Variants in MGA observed in about 807,000 individuals in gnomAD.
MGA encodes the protein MAX dimerization protein MGA, also known as MAX gene-associated protein.
A neutral mutation model predicts 261.1 loss-of-function variants in MGA; 40 were observed. The observed-to-expected ratio is 0.15, with a 90% confidence interval of 0.12 to 0.20. MGA has a LOEUF of 0.20. Among genes scored for constraint, MGA ranks in the 10% least tolerant of loss-of-function variants. MGA has a pLI of 1.00. For missense variants in MGA, 3,397 were observed against 3,630.5 expected, an observed-to-expected ratio of 0.94 and a Z score of 1.65; for synonymous variants, 1,302 against 1,290.6, an observed-to-expected ratio of 1.01 and a Z score of -0.19.
intron 17 of MGA, chr15:41,752,422 T>A (rs951681030): frequency 6.6e-5 from 10 of 152,166 alleles, no homozygotes; most frequent in African/African-American, 2.4e-4. Context: ...ATTGCTGATT[T>A]TTTTGTGTTT....
At chr15:41,717,149 C>T (rs941946030) in intron 9 of MGA, among the ~76,000 whole-genome samples, 2 of 104,670 alleles carry the variant, frequency 1.9e-5, no homozygotes, top group African/African-American at 7.6e-5. Flanking sequence ...CTTTTTCTGC[C>T]TTGTACAATT....
chr15:41,698,483 C>T (rs572809924), intron 3 of MGA, among the ~76,000 whole-genome samples: 14 of 152,280 alleles, frequency 9.2e-5, no homozygotes, highest in African/African-American at 3.4e-4. Context: ...TAATTGACTA[C>T]ACAGATGTTG....
chr15:41,653,729 GA>G (rs971965208), intron 1 of MGA, among the ~76,000 whole-genome samples: 100 of 137,900 alleles, frequency 7.3e-4, no homozygotes, highest in South Asian at 1.7e-3. Context: ...AAAAAAAAAA[GA>G]AAAAAAAAAC....
chr15:41,769,045 T>G lies in MGA; in HGVS notation c.*1765T>G, dbSNP rs2063931122. 1 of 152,660 alleles carries G rather than the reference T, an allele frequency of 6.6e-6. No homozygotes were observed. The highest frequency in any genetic ancestry group is 1.5e-5 in the Non-Finnish European group (1 of 68,054). The allele number at this position is 152,660 out of a possible 1,614,324, so 9.5% of individuals were successfully genotyped here. A position where few individuals can be genotyped will look rare whatever the true frequency, so the allele number is the denominator to read the frequency against. On this transcript the variant is annotated 3_prime_UTR_variant, in exon 24 of 24. Coordinates refer to ENST00000219905, the MANE Select transcript of MGA (RefSeq NM_001164273.2). The stretch of plus-strand genomic sequence containing the variant: ...TCCTCAGCTTCTTATCCTTCCACTC[T>G]TTACCCAGCAGATTTCATTCAATGC...
At chr15:41,652,098 T>C (rs970844937) in intron 1 of MGA, among the ~76,000 whole-genome samples, 2 of 145,636 alleles carry the variant, frequency 1.4e-5, no homozygotes, top group Non-Finnish European at 3.0e-5. Flanking sequence ...CCTGAGTAGC[T>C]GGGACTACAG....
intron 12 of MGA, 63 bp from the exon 13 acceptor site, chr15:41,736,118 C>G: frequency 2.3e-6 from 3 of 1,327,774 alleles, no homozygotes; most frequent in Non-Finnish European, 3.0e-6. Context: ...GAGTTTCATA[C>G]AAAATGCTGT....
intron 15 of MGA, among the ~76,000 whole-genome samples, chr15:41,744,129 T>A (rs1253869868): frequency 6.6e-6 from 1 of 152,142 alleles, no homozygotes; most frequent in East Asian, 1.9e-4. Flanking sequence ...AAGAACAGAT[T>A]GGGAGTTAGT....
intron 5 of MGA, among the ~76,000 whole-genome samples, chr15:41,705,427 T>C (rs1341991718): frequency 6.6e-6 from 1 of 152,112 alleles, no homozygotes; most frequent in Non-Finnish European, 1.5e-5. Context: ...AGTGGCACGA[T>C]CATGGCTTGC....
At chr15:41,678,681 C>T (rs867651142) in intron 2 of MGA, among the ~76,000 whole-genome samples, 23 of 151,274 alleles carry the variant, frequency 1.5e-4, no homozygotes, top group South Asian at 1.5e-3. Context: ...GCAGGAGAAT[C>T]GCTTGAACCC....
chr15:41,765,182 C>A, intron 23 of MGA, 120 bp downstream of exon 23: 1 of 1,209,302 alleles, frequency 8.3e-7, no homozygotes, highest in Non-Finnish European at 1.2e-6. Context: ...TTGGCATTTG[C>A]CTTGGTAAGA....
chr15:41,718,392 T>G (rs2060765605), intron 9 of MGA: 8 of 1,176,502 alleles, frequency 6.8e-6, no homozygotes, highest in Non-Finnish European at 9.5e-6. Flanking sequence ...TTTGTGAGGA[T>G]AAATTCCATT....
In MGA at chr15:41,668,947, C is replaced by CAGG; in HGVS notation, c.56_58dup (p.Gly19dup). 1 of 1,602,736 alleles carries CAGG rather than the reference C, an allele frequency of 6.2e-7. No individual in the cohort carries two copies. The highest frequency in any genetic ancestry group is 8.5e-7 in the Non-Finnish European group (1 of 1,171,526). On this transcript the variant is annotated inframe_insertion, in exon 2 of 24. Coordinates refer to ENST00000219905, the MANE Select transcript of MGA (RefSeq NM_001164273.2). Reference sequence around the variant, plus strand: ...GCTAATCAAGATGGTGGAACAGTGGCAGGAGCAGCACCTACCTTCTTTGTC... The same window carrying CAGG: ...GCTAATCAAGATGGTGGAACAGTGGCAGGAGGAGCAGCACCTACCTTCTTTGTC...
At chr15:41,656,481 G>A (rs1460941028), upstream of MGA, among the ~76,000 whole-genome samples, 5 of 151,230 alleles carry the variant, frequency 3.3e-5, no homozygotes, top group East Asian at 3.9e-4. Context: ...GGCTGGGACC[G>A]CAGATGCACA....
At position 41,762,275 on chromosome 15, in the gene MGA, G is replaced by A. The variant is rs749085723; in HGVS notation, c.7657G>A (p.Ala2553Thr). The change falls in exon 22 of 24, where the codon GCA (alanine) becomes ACA (threonine). Residue 2553 changes from alanine (A) to threonine (T), a missense_variant. By Grantham distance (58) the Ala-to-Thr change is moderately conservative. Transcript: ENST00000219905. The stretch of plus-strand genomic sequence containing the variant: ...TAGCAAACAGCAGGAAGGATCTTCT[G>A]CATCATCTGTAGATCTTGGACAGAT... 9.3e-6 allele frequency: 15 copies of A among 1,613,738 alleles called. No homozygotes were observed. Among genetic ancestry groups the A allele is most frequent in the Middle Eastern group, 1.6e-4 (1 of 6,084 alleles).
At chr15:41,684,625 C>G in intron 2 of MGA, 1 of 212,344 alleles carries the variant, frequency 4.7e-6, no homozygotes, top group Non-Finnish European at 9.8e-6. Flanking sequence ...TCAGAGGTTT[C>G]CCAGCTACTG....
chr15:41,729,267 C>T lies in MGA; in HGVS notation c.3761C>T (p.Pro1254Leu). Residue 1254 changes from proline (P) to leucine (L), a missense_variant, in exon 11 of 24, where the codon CCA becomes CTA. Coordinates refer to ENST00000219905, the MANE Select transcript of MGA (RefSeq NM_001164273.2). ...CGAAAAAAAGAGGACCAGAGACAAC[C>T]ATCTTCCTCCTCCTCCCCATCTCCA... is the stretch of plus-strand genomic sequence containing the variant. 2.5e-6 allele frequency: 4 copies of T among 1,613,902 alleles called. No homozygotes were observed. In the East Asian group the frequency reaches 8.9e-5, roughly 36 times the overall value.
chr15:41,766,682 T>C lies in MGA; in HGVS notation c.8600T>C (p.Val2867Ala), dbSNP rs1567116589. ...GCTCGGCGGGCTTTTATTAGTAAGG[T>C]TCCTCCTGGAAGCAGAGCAACTTTC... Residue 2867 changes from valine to alanine, a missense_variant, in exon 24 of 24, where the codon GTT becomes GCT. Transcript: ENST00000219905. 3 of 1,613,968 alleles carry C rather than the reference T, an allele frequency of 1.9e-6. No homozygotes were observed. Among genetic ancestry groups the C allele is most frequent in the Non-Finnish European group, 2.5e-6 (3 of 1,179,888 alleles).
chr15:41,634,566 A>ATG (rs1431031621), intron 1 of MGA, among the ~76,000 whole-genome samples: 3 of 152,138 alleles, frequency 2.0e-5, no homozygotes, highest in Non-Finnish European at 4.4e-5. Context: ...GCCTTTGCTC[A>ATG]TGTTGTTTCC....
chr15:41,674,751 C>G (rs1376143648), intron 2 of MGA, among the ~76,000 whole-genome samples: 1 of 152,174 alleles, frequency 6.6e-6, no homozygotes, highest in Non-Finnish European at 1.5e-5. Context: ...ATCTCTTGAC[C>G]TCTTGATCCG....
Sources: gnomAD v4.1 joint callset for allele counts (sites outside exome capture counted in the v4.1 genomes callset) on GRCh38, gnomAD v4.1.1 for gene constraint, MANE v1.5 for transcripts, NCBI Gene and HGNC (gene_info 2026-07-23, HGNC 2026-07-21) for gene names.